KLHL7: variants seen among roughly 807,000 people sequenced by gnomAD.
The protein encoded by KLHL7 is kelch like family member 7.
In KLHL7, 44 loss-of-function variants were observed where a neutral mutation model predicts 67.4. The observed-to-expected ratio is 0.65, with a 90% confidence interval of 0.51 to 0.84. KLHL7 has a LOEUF of 0.84. Ranked by LOEUF, KLHL7 falls within the 40% of genes least tolerant of loss-of-function variation. The pLI is 0.00. For missense variants in KLHL7, 362 were observed against 718.1 expected (o/e 0.50, Z 5.67); for synonymous variants, 252 against 243.3 (o/e 1.04, Z -0.33).
In KLHL7 at chr7:23,105,857, T is replaced by A. The variant is rs767036186; in HGVS notation, c.-170T>A. On this transcript the variant is annotated 5_prime_UTR_variant, in exon 1 of 11. Transcript: ENST00000339077. The stretch of plus-strand genomic sequence containing the variant: ...CGTTTCTAAGGGGGCCGCCCGGCCT[T>A]GTCTTTCGGCAGTGGCCGAGCCACC... The A allele has an allele frequency of 7.0e-6, 7 of 995,456 alleles. No homozygotes were observed. The South Asian group carries it at 8.3e-5, about 12-fold the overall frequency. The allele number at this position is 995,456 out of a possible 1,614,324, so 61.7% of individuals were successfully genotyped here. A position where few individuals can be genotyped will look rare whatever the true frequency, so the allele number is the denominator to read the frequency against.
rs1783450006 is a variant in KLHL7 at position 23,123,815 on chromosome 7, A to G, written c.159A>G (p.Arg53=). Residue 53 remains arginine, a synonymous_variant, in exon 2 of 11, where the codon AGA becomes AGG. Coordinates refer to ENST00000339077, the MANE Select transcript of KLHL7 (RefSeq NM_001031710.3). The part of the protein sequence containing the change: ...LCDVILMVQE[R]KIPAHRVVLA... The stretch of plus-strand genomic sequence containing the variant: ...ACGTGATCCTCATGGTCCAGGAAAG[A>G]AAGATACCTGCTCATCGTGTTGTTC... 1 of 1,613,754 alleles carries G rather than the reference A, an allele frequency of 6.2e-7. No individual in the cohort carries two copies. Among genetic ancestry groups the G allele is most frequent in the African/African-American group, 1.3e-5 (1 of 74,924 alleles).
chr7:23,149,023 T>C (rs1344608430), intron 6 of KLHL7, among the ~76,000 whole-genome samples: 1 of 152,192 alleles, frequency 6.6e-6, no homozygotes, highest in Non-Finnish European at 1.5e-5. Flanking sequence ...CACCGGACTT[T>C]GTTGCCTTTC....
intron 1 of KLHL7, among the ~76,000 whole-genome samples, chr7:23,110,648 GTA>G (rs751871929): frequency 6.0e-5 from 9 of 150,860 alleles, no homozygotes; most frequent in Non-Finnish European, 1.3e-4. Context: ...AAGTTTTAGG[GTA>G]CATGTGCACA....
intron 6 of KLHL7, among the ~76,000 whole-genome samples, chr7:23,148,482 G>A (rs1055998865): frequency 4.6e-5 from 7 of 151,288 alleles, no homozygotes; most frequent in Non-Finnish European, 7.4e-5. Flanking sequence ...GTGTTTAGAA[G>A]ATAGAACGTA....
At chr7:23,166,526 C>T (rs858311) in intron 8 of KLHL7, among the ~76,000 whole-genome samples, 7,365 of 152,130 alleles carry the variant, frequency 0.048, 210 homozygotes, top group South Asian at 0.086. Flanking sequence ...AGGCTAGATA[C>T]ATAATAGCTT....
At chr7:23,121,203 T>A (rs1200481064) in intron 1 of KLHL7, among the ~76,000 whole-genome samples, 1 of 152,246 alleles carries the variant, frequency 6.6e-6, no homozygotes, top group Non-Finnish European at 1.5e-5. Flanking sequence ...TTCCATGGTG[T>A]ATATATACCA....
In KLHL7 at chr7:23,126,192, G is replaced by T. The variant is rs1291582835; in HGVS notation, c.442+1020G>T. 2.0e-5 allele frequency: 7 copies of T among 348,442 alleles called. No homozygotes were observed. The East Asian group carries it at 4.6e-4, about 23-fold the overall frequency. 21.6% of individuals were successfully genotyped at this position (348,442 alleles called of 1,614,324 possible). A position where few individuals can be genotyped will look rare whatever the true frequency, so the allele number is the denominator to read the frequency against. On this transcript the variant is annotated intron_variant, in intron 4 of 10. Coordinates refer to ENST00000339077, the MANE Select transcript of KLHL7 (RefSeq NM_001031710.3). The stretch of plus-strand genomic sequence containing the variant: ...GACAGGCAGGTAGGTTATACAGCAT[G>T]GATATGCTGGTCAAAGGGATGATTT...
chr7:23,152,518 C>T (rs947952911), intron 7 of KLHL7, among the ~76,000 whole-genome samples: 2 of 152,050 alleles, frequency 1.3e-5, no homozygotes, highest in African/African-American at 4.8e-5. Flanking sequence ...CCTTATGTCC[C>T]ATTTTCAATG....
At chr7:23,112,357 T>C (rs2128456713) in intron 1 of KLHL7, among the ~76,000 whole-genome samples, 1 of 152,344 alleles carries the variant, frequency 6.6e-6, no homozygotes, top group Admixed American at 6.5e-5. Context: ...CACTGAAGTA[T>C]ATATGACAAA....
At chr7:23,121,040 A>G (rs1011470839) in intron 1 of KLHL7, among the ~76,000 whole-genome samples, 5 of 151,982 alleles carry the variant, frequency 3.3e-5, no homozygotes, top group African/African-American at 1.2e-4. Context: ...TTTTACTTGG[A>G]TAAGATCAAC....
At chr7:23,135,191 C>G (rs1395102477) in intron 4 of KLHL7, among the ~76,000 whole-genome samples, 1 of 152,158 alleles carries the variant, frequency 6.6e-6, no homozygotes, top group Non-Finnish European at 1.5e-5. Flanking sequence ...CAGTGATCCC[C>G]TGGTCATTCA....
At chr7:23,134,871 ATTTTG>A in intron 4 of KLHL7, among the ~76,000 whole-genome samples, 1 of 151,938 alleles carries the variant, frequency 6.6e-6, no homozygotes, top group African/African-American at 2.4e-5. Context: ...AGGTTTGTCC[ATTTTG>A]TTTTAACTTT....
chr7:23,106,399 G>T, intron 1 of KLHL7: 1 of 1,332,082 alleles, frequency 7.5e-7, no homozygotes, highest in Non-Finnish European at 9.7e-7. Context: ...CCTCAGGCTG[G>T]CTTTCGCCGT....
chr7:23,172,042 C>A, intron 9 of KLHL7: 1 of 409,038 alleles, frequency 2.4e-6, no homozygotes, highest in Non-Finnish European at 4.8e-6. Context: ...GAGATATAAA[C>A]AATAATTATA....
At chr7:23,159,107 G>A (rs1419397131) in intron 7 of KLHL7, among the ~76,000 whole-genome samples, 1 of 152,106 alleles carries the variant, frequency 6.6e-6, no homozygotes, top group African/African-American at 2.4e-5. Context: ...TTAAAAAAAA[G>A]GAAATTAGAC....
At chr7:23,166,962 G>C (rs1785020368) in intron 8 of KLHL7, among the ~76,000 whole-genome samples, 1 of 151,740 alleles carries the variant, frequency 6.6e-6, no homozygotes, top group Admixed American at 6.6e-5. Flanking sequence ...AGTTATTTTT[G>C]GTCATGACCA....
chr7:23,139,376 TA>T (rs1390345375), intron 4 of KLHL7, among the ~76,000 whole-genome samples: 2 of 152,240 alleles, frequency 1.3e-5, no homozygotes, highest in African/African-American at 4.8e-5. Flanking sequence ...ACTGAGTACA[TA>T]AAATCATAGC....
At chr7:23,126,077 G>A (rs1422525766) in intron 4 of KLHL7, 1 of 609,778 alleles carries the variant, frequency 1.6e-6, no homozygotes, top group Non-Finnish European at 3.0e-6. Flanking sequence ...CTTATATTTT[G>A]GGGCCATTAT....
chr7:23,146,086 A>C (rs1784347237), intron 6 of KLHL7, among the ~76,000 whole-genome samples: 1 of 152,136 alleles, frequency 6.6e-6, no homozygotes, highest in Non-Finnish European at 1.5e-5. Context: ...TGAGTCTGGA[A>C]CATTTCTCTT....
Sources: allele counts gnomAD v4.1 joint callset (sites outside exome capture counted in the v4.1 genomes callset), GRCh38; gene constraint gnomAD v4.1.1; transcripts MANE v1.5; gene names NCBI Gene and HGNC (gene_info 2026-07-23, HGNC 2026-07-21).